TRDMT1: variants seen among roughly 807,000 people sequenced by gnomAD.
The protein encoded by TRDMT1 is tRNA aspartic acid methyltransferase 1.
Under a neutral mutation model 51.2 loss-of-function variants are expected in TRDMT1, and 49 were observed. The ratio of observed to expected loss-of-function variants is 0.96; its 90% CI spans 0.76 to 1.21. The LOEUF is 1.21. Among genes scored for constraint, TRDMT1 ranks in the 50% most tolerant of loss-of-function variants. TRDMT1 has a pLI of 0.00. For synonymous variants in TRDMT1, 187 were observed against 164.6 expected (o/e 1.14, Z -1.04); for missense variants, 534 against 462.3 (o/e 1.16, Z -1.42).
At chr10:17,198,801 A>G (rs1251868970) in intron 1 of TRDMT1, among the ~76,000 whole-genome samples, 3 of 152,368 alleles carry the variant, frequency 2.0e-5, no homozygotes, top group South Asian at 4.1e-4. Context: ...GATACATTTC[A>G]TGTTGTGTTT....
rs990645215 is a variant in TRDMT1 at position 17,201,668 on chromosome 10, G to A, written c.-34C>T. On this transcript the variant is annotated 5_prime_UTR_variant, in exon 1 of 11. Coordinates refer to ENST00000377799, the MANE Select transcript of TRDMT1 (RefSeq NM_004412.7). ...CTCAGCCGCCGCAGCCCCGGAGCTAGGCCTGCCGGTCCGTCGCTCCTCCTC... is the reference window on the plus strand; with the variant it reads ...CTCAGCCGCCGCAGCCCCGGAGCTAAGCCTGCCGGTCCGTCGCTCCTCCTC... The A allele has an allele frequency of 6.5e-7, 1 of 1,532,312 alleles. No individual in the cohort carries two copies. The highest frequency in any genetic ancestry group is 8.8e-7 in the Non-Finnish European group (1 of 1,139,660). The allele number at this position is 1,532,312 out of a possible 1,614,324, so 94.9% of individuals were successfully genotyped here. A position where few individuals can be genotyped will look rare whatever the true frequency, so the allele number is the denominator to read the frequency against.
intron 3 of TRDMT1, among the ~76,000 whole-genome samples, chr10:17,162,856 T>G (rs1353090837): frequency 6.6e-6 from 1 of 152,074 alleles, no homozygotes; most frequent in East Asian, 1.9e-4. Flanking sequence ...GACAAATGAC[T>G]TACATTAATC....
chr10:17,184,074 G>C (rs1029602995), intron 1 of TRDMT1, among the ~76,000 whole-genome samples: 5 of 152,152 alleles, frequency 3.3e-5, no homozygotes, highest in South Asian at 2.1e-4. Context: ...AAAAAATGTA[G>C]AGCTGAAAGT....
intron 1 of TRDMT1, among the ~76,000 whole-genome samples, chr10:17,193,192 C>T (rs1403054942): frequency 2.6e-5 from 4 of 152,000 alleles, no homozygotes; most frequent in East Asian, 3.9e-4. Flanking sequence ...GGTGAAACCC[C>T]GTCTCTACTA....
At chr10:17,161,630 T>C in intron 4 of TRDMT1, 82 bp from the exon 5 acceptor site, 3 of 765,384 alleles carry the variant, frequency 3.9e-6, no homozygotes, top group South Asian at 6.6e-5. Flanking sequence ...TTGTGGGAAA[T>C]ACGAGGTAAG....
At chr10:17,181,155 G>T (rs11254432) in intron 1 of TRDMT1, among the ~76,000 whole-genome samples, 20,826 of 152,158 alleles carry the variant, frequency 0.14, 1,522 homozygotes, top group Admixed American at 0.17. Context: ...ACTAAAGTCA[G>T]ACTAATGAGA....
rs967423639 is a variant in TRDMT1 at position 17,144,401 on chromosome 10, T to C, written c.*4639A>G. ...ACCCTAGGCTTATTCAGAAAAGAGTTCTATGGGAGAACTCAGTTCCTATCT... is the reference window on the plus strand; with the variant it reads ...ACCCTAGGCTTATTCAGAAAAGAGTCCTATGGGAGAACTCAGTTCCTATCT... On this transcript the variant is annotated 3_prime_UTR_variant, in exon 11 of 11. Transcript: ENST00000377799. 11 of 985,352 alleles carry C rather than the reference T, an allele frequency of 1.1e-5. No homozygotes were observed. The highest frequency in any genetic ancestry group is 1.3e-5 in the Non-Finnish European group (11 of 829,918). The allele number at this position is 985,352 out of a possible 1,614,324, so 61.0% of individuals were successfully genotyped here. A position where few individuals can be genotyped will look rare whatever the true frequency, so the allele number is the denominator to read the frequency against.
At chr10:17,201,482 G>T in intron 1 of TRDMT1, 89 bp downstream of exon 1, 4 of 944,132 alleles carry the variant, frequency 4.2e-6, no homozygotes, top group Admixed American at 2.6e-5. Flanking sequence ...TCCGCCCCTT[G>T]CGTCTCGCCG....
chr10:17,159,896 C>G (rs140940603), intron 6 of TRDMT1, among the ~76,000 whole-genome samples: 165 of 152,250 alleles, frequency 1.1e-3, no homozygotes, highest in African/African-American at 3.8e-3. Flanking sequence ...GTGTTTTCAA[C>G]TTAATGTTAT....
chr10:17,157,344 A>G, intron 8 of TRDMT1, 97 bp downstream of exon 8: 1 of 1,201,536 alleles, frequency 8.3e-7, no homozygotes, highest in Non-Finnish European at 1.2e-6. Flanking sequence ...AAAACATTTT[A>G]TAAAATGCTC....
chr10:17,185,540 T>C (rs1008353555), intron 1 of TRDMT1, among the ~76,000 whole-genome samples: 1 of 151,908 alleles, frequency 6.6e-6, no homozygotes, highest in Non-Finnish European at 1.5e-5. Context: ...GAACTAGAAA[T>C]ACCATCCCAT....
chr10:17,173,168 A>C (rs1842240708), intron 2 of TRDMT1, among the ~76,000 whole-genome samples: 1 of 152,202 alleles, frequency 6.6e-6, no homozygotes, highest in African/African-American at 2.4e-5. Context: ...TTTCTCATAA[A>C]GTTTAATAAA....
intron 1 of TRDMT1, among the ~76,000 whole-genome samples, chr10:17,185,883 C>T (rs1185666710): frequency 6.6e-6 from 1 of 151,988 alleles, no homozygotes; most frequent in Non-Finnish European, 1.5e-5. Flanking sequence ...AGGGTGGGAA[C>T]ATCACACACC....
At position 17,174,593 on chromosome 10, in the gene TRDMT1, C is replaced by T; in HGVS notation, c.132G>A (p.Lys44=). 1 of 1,614,030 alleles carries T rather than the reference C, an allele frequency of 6.2e-7. No homozygotes were observed. Among genetic ancestry groups the T allele is most frequent in the Non-Finnish European group, 8.5e-7 (1 of 1,179,956 alleles). ...GTAACTGTGTGTGAGGAAAATTATA[C>T]TTGTATACTTCATTAGCGACAGTGT... ...DVNTVANEVY[K]YNFPHTQLLA... Residue 44 remains lysine (K), a synonymous_variant, in exon 2 of 11, where the codon AAG becomes AAA. Transcript: ENST00000377799.
chr10:17,146,171 T>A lies in TRDMT1; in HGVS notation c.*2869A>T. ...GATAATTTCAAGCAACAGTTTACCC[T>A]CAAATTTCTAAAAAAGTGCTGGGTG... On this transcript the variant is annotated 3_prime_UTR_variant, in exon 11 of 11. Coordinates refer to ENST00000377799, the MANE Select transcript of TRDMT1 (RefSeq NM_004412.7). The A allele has an allele frequency of 1.0e-6, 1 of 985,474 alleles. No individual in the cohort carries two copies. Among genetic ancestry groups the A allele is most frequent in the Non-Finnish European group, 1.2e-6 (1 of 829,926 alleles). 61.0% of individuals were successfully genotyped at this position (985,474 alleles called of 1,614,324 possible).
At chr10:17,175,219 T>C (rs1362912425) in intron 1 of TRDMT1, among the ~76,000 whole-genome samples, 3 of 152,216 alleles carry the variant, frequency 2.0e-5, no homozygotes, top group Non-Finnish European at 4.4e-5. Flanking sequence ...AACAATTAAT[T>C]GGTATCCAAA....
At position 17,146,413 on chromosome 10, in the gene TRDMT1, A is replaced by G; in HGVS notation, c.*2627T>C. On this transcript the variant is annotated 3_prime_UTR_variant, in exon 11 of 11. Coordinates refer to ENST00000377799, the MANE Select transcript of TRDMT1 (RefSeq NM_004412.7). ...CATTCCTCTTTCTTGCCTGCCACTGAGGATTGTCAGGCTCTGACCCCTCCT... is the reference window on the plus strand; with the variant it reads ...CATTCCTCTTTCTTGCCTGCCACTGGGGATTGTCAGGCTCTGACCCCTCCT... The G allele has an allele frequency of 1.0e-6, 1 of 985,426 alleles. No homozygotes were observed. The highest frequency in any genetic ancestry group is 1.2e-6 in the Non-Finnish European group (1 of 829,936). The allele number at this position is 985,426 out of a possible 1,614,324, so 61.0% of individuals were successfully genotyped here.
At chr10:17,177,859 C>T (rs1842807832) in intron 1 of TRDMT1, among the ~76,000 whole-genome samples, 1 of 152,024 alleles carries the variant, frequency 6.6e-6, no homozygotes, top group Non-Finnish European at 1.5e-5. Flanking sequence ...AGTTCACACT[C>T]TTCTTGACTT....
At chr10:17,156,979 T>G (rs928482447) in intron 8 of TRDMT1, among the ~76,000 whole-genome samples, 2 of 152,172 alleles carry the variant, frequency 1.3e-5, no homozygotes, top group Non-Finnish European at 2.9e-5. Context: ...CATATATTAC[T>G]TATATAAAAA....
Sources: allele counts gnomAD v4.1 joint callset (sites outside exome capture counted in the v4.1 genomes callset), GRCh38; gene constraint gnomAD v4.1.1; transcripts MANE v1.5; gene names NCBI Gene and HGNC (gene_info 2026-07-23, HGNC 2026-07-21).